NEO1: variants seen among roughly 807,000 people sequenced by gnomAD.
NEO1 encodes neogenin.
In NEO1, 63 loss-of-function variants were observed where a neutral mutation model predicts 159.7. The observed-to-expected ratio is 0.39, with a 90% CI of 0.32 to 0.49. The LOEUF (loss-of-function observed/expected upper bound fraction) is 0.49. NEO1 is among the 20% of genes least tolerant of loss of function. The pLI is 0.85. For synonymous variants in NEO1, 633 were observed against 662.0 expected (o/e 0.96, Z 0.67); for missense variants, 1,615 against 1,831.0 (o/e 0.88, Z 2.15).
chr15:73,087,440 A>G (rs916362612), intron 1 of NEO1, among the ~76,000 whole-genome samples: 1 of 152,144 alleles, frequency 6.6e-6, no homozygotes. Flanking sequence ...ATCTTTGTTC[A>G]TGAGGAATAT....
chr15:73,200,136 A>G (rs558205702), intron 7 of NEO1, among the ~76,000 whole-genome samples: 100 of 152,320 alleles, frequency 6.6e-4, no homozygotes, highest in Non-Finnish European at 8.4e-4. Flanking sequence ...ACGGTTTGGT[A>G]GAATTCACCA....
At chr15:73,156,867 A>G (rs7172396) in intron 5 of NEO1, among the ~76,000 whole-genome samples, 54,638 of 151,932 alleles carry the variant, frequency 0.36, 10,630 homozygotes, top group Admixed American at 0.47. Flanking sequence ...GGGTGCATCT[A>G]CCTTCCTTGA....
chr15:73,208,471 T>C (rs2037358941), intron 7 of NEO1, among the ~76,000 whole-genome samples: 1 of 152,224 alleles, frequency 6.6e-6, no homozygotes, highest in Non-Finnish European at 1.5e-5. Flanking sequence ...AGTAGAACTT[T>C]ATTTTTTTTA....
At chr15:73,261,298 G>A (rs941724383) in intron 15 of NEO1, among the ~76,000 whole-genome samples, 2 of 151,708 alleles carry the variant, frequency 1.3e-5, no homozygotes, top group African/African-American at 4.8e-5. Context: ...TTGTAACTAG[G>A]GTAGAAAATC....
Position 73,301,470 on chromosome 15 carries a change from G to T in NEO1, c.4302+13G>T, listed in dbSNP as rs1466113672. ...AGACTCCGAGAGTGTAAGTTCGTGG[G>T]GCCATCAGTCCAGCCAGATTGCCTG... On this transcript the variant is annotated intron_variant, in intron 28 of 28. Coordinates refer to ENST00000261908, the MANE Select transcript of NEO1 (RefSeq NM_002499.4). The T allele has an allele frequency of 6.2e-7, 1 of 1,614,128 alleles. No homozygotes were observed. The highest frequency in any genetic ancestry group is 1.3e-5 in the African/African-American group (1 of 75,036).
chr15:73,076,144 G>A (rs576090975), intron 1 of NEO1, among the ~76,000 whole-genome samples: 15 of 152,210 alleles, frequency 9.9e-5, no homozygotes, highest in Admixed American at 9.8e-4. Flanking sequence ...TTAAGGTGCG[G>A]CTCAGATCTC....
intron 1 of NEO1, among the ~76,000 whole-genome samples, chr15:73,097,845 G>C (rs2070164805): frequency 7.4e-6 from 1 of 134,336 alleles, no homozygotes; most frequent in Non-Finnish European, 1.5e-5. Flanking sequence ...CAAAACCTGA[G>C]TATGGAAAGT....
At chr15:73,140,630 A>C (rs2032289945) in intron 5 of NEO1, among the ~76,000 whole-genome samples, 1 of 148,536 alleles carries the variant, frequency 6.7e-6, no homozygotes, top group Non-Finnish European at 1.5e-5. Flanking sequence ...GAGTATACTT[A>C]CCAGAAATGT....
At chr15:73,116,182 G>C (rs2071300926) in intron 1 of NEO1, among the ~76,000 whole-genome samples, 1 of 152,016 alleles carries the variant, frequency 6.6e-6, no homozygotes, top group South Asian at 2.1e-4. Flanking sequence ...TTAATTTTCT[G>C]CCTCTTTTAT....
chr15:73,302,729 G>A lies in NEO1; in HGVS notation c.*33G>A, dbSNP rs1344814122. The A allele has an allele frequency of 1.3e-6, 2 of 1,587,580 alleles. No homozygotes were observed. The highest frequency in any genetic ancestry group is 1.7e-5 in the Admixed American group (1 of 58,016). On this transcript the variant is annotated 3_prime_UTR_variant, in exon 29 of 29. Transcript: ENST00000261908. ...CACCAGGACCTGACTTCAAACCTGA[G>A]TCTGGAAGTCTTGGAACTTACCCTT...
chr15:73,288,943 T>C, intron 24 of NEO1: 1 of 581,480 alleles, frequency 1.7e-6, no homozygotes, highest in Admixed American at 2.9e-5. Context: ...GTGGGCAGCA[T>C]TGTGACATCC....
At chr15:73,144,410 A>G (rs1254600940) in intron 5 of NEO1, among the ~76,000 whole-genome samples, 1 of 152,226 alleles carries the variant, frequency 6.6e-6, no homozygotes, top group Non-Finnish European at 1.5e-5. Flanking sequence ...TATTACTGTC[A>G]TGATTCAAAG....
At chr15:73,073,749 G>A (rs1201145801) in intron 1 of NEO1, among the ~76,000 whole-genome samples, 1 of 152,112 alleles carries the variant, frequency 6.6e-6, no homozygotes, top group Non-Finnish European at 1.5e-5. Context: ...GAGTGTTGAG[G>A]AATTGGTTGA....
chr15:73,181,906 T>A (rs951371040), intron 7 of NEO1, among the ~76,000 whole-genome samples: 1 of 152,150 alleles, frequency 6.6e-6, no homozygotes, highest in African/African-American at 2.4e-5. Context: ...TTTACCCAAG[T>A]TCTGGGTAAC....
At chr15:73,235,939 C>G (rs2039147324) in intron 7 of NEO1, among the ~76,000 whole-genome samples, 1 of 152,192 alleles carries the variant, frequency 6.6e-6, no homozygotes, top group Admixed American at 6.5e-5. Context: ...ACAGATGTTG[C>G]ATGCTGCTTT....
At chr15:73,251,337 G>A (rs558589305) in intron 11 of NEO1, among the ~76,000 whole-genome samples, 12 of 151,692 alleles carry the variant, frequency 7.9e-5, no homozygotes, top group Admixed American at 2.0e-4. Context: ...ATGACAAAAC[G>A]CCATCTCTAC....
At chr15:73,095,126 T>A (rs902047283) in intron 1 of NEO1, among the ~76,000 whole-genome samples, 1 of 151,968 alleles carries the variant, frequency 6.6e-6, no homozygotes, top group African/African-American at 2.4e-5. Context: ...GGAGAATTGC[T>A]TGAACCCAGG....
intron 7 of NEO1, among the ~76,000 whole-genome samples, chr15:73,188,065 C>A (rs2036033480): frequency 2.6e-5 from 4 of 152,070 alleles, no homozygotes; most frequent in Admixed American, 2.6e-4. Context: ...TTACTTCTTG[C>A]AAGATAACCC....
At chr15:73,185,261 C>T (rs530625799) in intron 7 of NEO1, among the ~76,000 whole-genome samples, 59 of 152,220 alleles carry the variant, frequency 3.9e-4, no homozygotes, top group African/African-American at 1.3e-3. Flanking sequence ...AGAGTGAACA[C>T]TAATATAAAC....
Sources: gnomAD v4.1 joint callset for allele counts (sites outside exome capture counted in the v4.1 genomes callset) on GRCh38, gnomAD v4.1.1 for gene constraint, MANE v1.5 for transcripts, NCBI Gene and HGNC (gene_info 2026-07-23, HGNC 2026-07-21) for gene names.